SP100: variants seen among roughly 807,000 people sequenced by gnomAD.
SP100 encodes nuclear autoantigen Sp-100.
A neutral mutation model predicts 130.0 loss-of-function variants in SP100; 84 were observed. The observed-to-expected ratio is 0.65, with a 90% CI of 0.54 to 0.77. The LOEUF (loss-of-function observed/expected upper bound fraction) is 0.77. SP100 is among the 30% of genes least tolerant of loss of function. The pLI is 0.00. For synonymous variants in SP100, 331 were observed against 351.7 expected (o/e 0.94, Z 0.66); for missense variants, 978 against 1,052.2 (o/e 0.93, Z 0.97).
At chr2:230,459,892 C>T (rs968768481) in intron 8 of SP100, among the ~76,000 whole-genome samples, 1 of 152,042 alleles carries the variant, frequency 6.6e-6, no homozygotes, top group Non-Finnish European at 1.5e-5. Context: ...TTCGTGTGGC[C>T]CTTAGCAGTA....
intron 22 of SP100, among the ~76,000 whole-genome samples, chr2:230,507,664 T>C (rs987786111): frequency 6.6e-6 from 1 of 152,026 alleles, no homozygotes; most frequent in Non-Finnish European, 1.5e-5. Context: ...TCTAAAAAGA[T>C]GAACAACTAG....
chr2:230,482,763 A>C (rs942183407), intron 17 of SP100, among the ~76,000 whole-genome samples: 15 of 152,068 alleles, frequency 9.9e-5, no homozygotes, highest in African/African-American at 3.1e-4. Context: ...TCTATTCTGC[A>C]TCAATACATA....
intron 23 of SP100, 169 bp downstream of exon 23, chr2:230,508,200 C>G: frequency 9.5e-7 from 1 of 1,051,258 alleles, no homozygotes; most frequent in Non-Finnish European, 1.3e-6. Context: ...AAGTCCAGGG[C>G]TCCTTTGAAC....
At chr2:230,472,625 G>C (rs968442333) in intron 15 of SP100, among the ~76,000 whole-genome samples, 4 of 151,946 alleles carry the variant, frequency 2.6e-5, no homozygotes, top group Admixed American at 2.0e-4. Flanking sequence ...GGTACAACAA[G>C]AAGTATGTAG....
intron 2 of SP100, among the ~76,000 whole-genome samples, chr2:230,434,543 C>T (rs1029767874): frequency 1.3e-5 from 2 of 151,666 alleles, no homozygotes; most frequent in African/African-American, 2.4e-5. Flanking sequence ...ATATGATAAA[C>T]AATAAATACA....
intron 9 of SP100, 87 bp downstream of exon 9, chr2:230,461,501 G>A: frequency 1.5e-6 from 2 of 1,359,156 alleles, no homozygotes; most frequent in Non-Finnish European, 2.1e-6. Context: ...CATCGGGGCA[G>A]TGCAGGTAGC....
intron 8 of SP100, among the ~76,000 whole-genome samples, chr2:230,457,143 A>G (rs1230065409): frequency 6.6e-6 from 1 of 152,188 alleles, no homozygotes; most frequent in East Asian, 1.9e-4. Flanking sequence ...AGAGTCCTCA[A>G]GCAGGCTAGT....
At chr2:230,518,388 T>C (rs893219162) in intron 24 of SP100, among the ~76,000 whole-genome samples, 5 of 151,906 alleles carry the variant, frequency 3.3e-5, no homozygotes, top group Non-Finnish European at 5.9e-5. Flanking sequence ...TTAGAATGTT[T>C]AAACTTTCAG....
chr2:230,474,132 A>G (rs2065416078), intron 16 of SP100, among the ~76,000 whole-genome samples: 1 of 152,216 alleles, frequency 6.6e-6, no homozygotes, highest in African/African-American at 2.4e-5. Flanking sequence ...TTAAAGCTGA[A>G]CAGGATAACC....
At chr2:230,420,871 C>G (rs1343123229) in intron 2 of SP100, among the ~76,000 whole-genome samples, 1 of 152,128 alleles carries the variant, frequency 6.6e-6, no homozygotes, top group East Asian at 1.9e-4. Context: ...GTATTTACTT[C>G]TGTATTTTGA....
intron 8 of SP100, among the ~76,000 whole-genome samples, chr2:230,451,897 A>T (rs2064006003): frequency 6.6e-6 from 1 of 152,210 alleles, no homozygotes; most frequent in African/African-American, 2.4e-5. Flanking sequence ...AAAGAGATAG[A>T]TATCCTTTAC....
intron 24 of SP100, among the ~76,000 whole-genome samples, chr2:230,512,276 C>CTTTTTTTTTTTTTTT: frequency 1.3e-5 from 1 of 76,068 alleles, no homozygotes; most frequent in Non-Finnish European, 2.4e-5. Flanking sequence ...ATTGAAATGC[C>CTTTTTTTTTTTTTTT]TTTTTTTTTT....
chr2:230,495,727 T>A (rs1314117287), intron 18 of SP100, among the ~76,000 whole-genome samples: 1 of 152,192 alleles, frequency 6.6e-6, no homozygotes, highest in Non-Finnish European at 1.5e-5. Context: ...CTCTTCTTTG[T>A]CTCTCTTTTA....
chr2:230,484,435 C>T (rs1042149201), intron 17 of SP100, among the ~76,000 whole-genome samples: 4 of 152,154 alleles, frequency 2.6e-5, no homozygotes, highest in African/African-American at 9.7e-5. Context: ...TCTATTGGTA[C>T]TTTTAGTGGG....
At position 230,489,708 on chromosome 2, in the gene SP100, G is replaced by A. The variant is rs766402370; in HGVS notation, c.1601-4708G>A. 9.9e-5 allele frequency among the ~76,000 whole-genome samples: 15 copies of A among 152,048 alleles called. 1 individual carries two copies. Among genetic ancestry groups the A allele is most frequent in the South Asian group, 4.1e-4 (2 of 4,820 alleles). On this transcript the variant is annotated intron_variant, in intron 17 of 28. Coordinates refer to ENST00000340126, the MANE Select transcript of SP100 (RefSeq NM_001080391.2). ...AGCTGTGTCCCAGAGATTTTGGTAC[G>A]TTGTCTTTTTGTTCTCATTGGTTTC... is the stretch of plus-strand genomic sequence containing the variant.
intron 10 of SP100, among the ~76,000 whole-genome samples, chr2:230,463,053 C>T (rs1003097773): frequency 1.3e-5 from 2 of 152,190 alleles, no homozygotes; most frequent in Admixed American, 6.5e-5. Flanking sequence ...AGTCATGGCA[C>T]ATTTAGTGAT....
At chr2:230,488,693 G>A (rs773052169) in intron 17 of SP100, among the ~76,000 whole-genome samples, 24 of 152,166 alleles carry the variant, frequency 1.6e-4, no homozygotes, top group Non-Finnish European at 3.1e-4. Flanking sequence ...GATTACAGGC[G>A]TGAGCCACAG....
intron 9 of SP100, among the ~76,000 whole-genome samples, chr2:230,462,140 G>A (rs1378017513): frequency 6.6e-6 from 1 of 151,888 alleles, no homozygotes; most frequent in African/African-American, 2.4e-5. Flanking sequence ...GGAGATGGCA[G>A]AACAAAGAGG....
intron 24 of SP100, among the ~76,000 whole-genome samples, chr2:230,516,755 G>A (rs1690935820): frequency 1.3e-5 from 2 of 152,174 alleles, no homozygotes; most frequent in Admixed American, 1.3e-4. Flanking sequence ...AACGGTAACT[G>A]TGGATGTCAA....
Sources: allele counts gnomAD v4.1 joint callset (sites outside exome capture counted in the v4.1 genomes callset), GRCh38; gene constraint gnomAD v4.1.1; transcripts MANE v1.5; gene names NCBI Gene and HGNC (gene_info 2026-07-23, HGNC 2026-07-21).